CHFR: variants seen among roughly 807,000 people sequenced by gnomAD.
CHFR encodes the protein checkpoint with forkhead and ring finger domains.
In CHFR, 57 loss-of-function variants were observed where a neutral mutation model predicts 87.6. The ratio of observed to expected loss-of-function variants is 0.65; its 90% CI spans 0.53 to 0.81. CHFR has a LOEUF of 0.81. Ranked by LOEUF, CHFR falls within the 30% of genes least tolerant of loss-of-function variation. CHFR has a pLI of 0.00. For synonymous variants in CHFR, 381 were observed against 359.2 expected (o/e 1.06, Z -0.69); for missense variants, 797 against 865.8 (o/e 0.92, Z 1.00).
At position 132,869,814 on chromosome 12, in the gene CHFR, A is replaced by G; in HGVS notation, c.404-16T>C. On this transcript the variant is annotated splice_polypyrimidine_tract_variant and intron_variant, in intron 5 of 17. Coordinates refer to ENST00000450056, the MANE Select transcript of CHFR (RefSeq NM_001161346.2). ...CCTGAGGTATCTTTGGTCCCATGGA[A>G]CACATTTTCCTTGTTAGCTTCTGTA... 3.2e-6 allele frequency: 5 copies of G among 1,551,282 alleles called. No homozygotes were observed. The highest frequency in any genetic ancestry group is 2.4e-5 in the South Asian group (2 of 84,064).
At chr12:132,859,834 G>A (rs1951175674) in intron 7 of CHFR, among the ~76,000 whole-genome samples, 1 of 152,072 alleles carries the variant, frequency 6.6e-6, no homozygotes, top group African/African-American at 2.4e-5. Flanking sequence ...TTGAGCCCAG[G>A]AGTTCAAGAC....
At chr12:132,853,743 G>A in intron 10 of CHFR, 170 bp from the exon 11 acceptor site, 1 of 728,892 alleles carries the variant, frequency 1.4e-6, no homozygotes, top group South Asian at 2.2e-5. Context: ...GTTAGAGAGG[G>A]ACCAGAACGA....
At chr12:132,885,638 T>C (rs553369631) in intron 2 of CHFR, among the ~76,000 whole-genome samples, 4 of 152,276 alleles carry the variant, frequency 2.6e-5, no homozygotes, top group Non-Finnish European at 4.4e-5. Flanking sequence ...TGTCCTACCA[T>C]GTAATAACAT....
chr12:132,853,073 TCTTA>T (rs1292651701), intron 11 of CHFR, among the ~76,000 whole-genome samples: 4 of 152,160 alleles, frequency 2.6e-5, no homozygotes, highest in Non-Finnish European at 4.4e-5. Flanking sequence ...GAAGCCCGCC[TCTTA>T]CTTGAGGGAC....
At chr12:132,859,908 G>A (rs1223138417) in intron 7 of CHFR, among the ~76,000 whole-genome samples, 3 of 152,012 alleles carry the variant, frequency 2.0e-5, no homozygotes, top group Non-Finnish European at 2.9e-5. Context: ...AGCCAGCTAT[G>A]GTAGCGTGCA....
chr12:132,868,530 A>T (rs992709592), intron 6 of CHFR, among the ~76,000 whole-genome samples: 2 of 151,684 alleles, frequency 1.3e-5, no homozygotes, highest in East Asian at 3.9e-4. Context: ...ACAAAAAAAA[A>T]TTAGCTGGGC....
At chr12:132,867,958 TTAAA>T (rs796999989) in intron 6 of CHFR, 20 of 102,756 alleles carry the variant, frequency 1.9e-4, no homozygotes, top group African/African-American at 7.8e-4. Context: ...GCTAAGAAAA[TTAAA>T]AAAAAATAAT....
At chr12:132,886,686 C>T (rs1387372308) in intron 2 of CHFR, among the ~76,000 whole-genome samples, 1 of 152,150 alleles carries the variant, frequency 6.6e-6, no homozygotes, top group African/African-American at 2.4e-5. Context: ...GACTTGAGAT[C>T]TTTTTTAATA....
intron 6 of CHFR, among the ~76,000 whole-genome samples, chr12:132,868,712 T>C: frequency 6.6e-6 from 1 of 150,574 alleles, no homozygotes; most frequent in Non-Finnish European, 1.5e-5. Flanking sequence ...CATGATTCCA[T>C]GTCTGTGAAG....
At chr12:132,871,226 C>A (rs946430010) in intron 4 of CHFR, among the ~76,000 whole-genome samples, 3 of 150,300 alleles carry the variant, frequency 2.0e-5, no homozygotes, top group Non-Finnish European at 4.4e-5. Context: ...CCGAGGCGGG[C>A]GGATTACCTG....
intron 12 of CHFR, among the ~76,000 whole-genome samples, chr12:132,850,744 T>C (rs1179413583): frequency 6.6e-6 from 1 of 152,024 alleles, no homozygotes. Flanking sequence ...CAGGGCTCAG[T>C]GCACAGAGCA....
chr12:132,869,265 T>C lies in CHFR; in HGVS notation c.583+354A>G, dbSNP rs1951430578. Among the ~76,000 whole-genome samples, 3 of 151,022 alleles carry C rather than the reference T, an allele frequency of 2.0e-5. No individual in the cohort carries two copies. The South Asian group carries it at 6.3e-4, about 31-fold the overall frequency. On this transcript the variant is annotated intron_variant, in intron 6 of 17. Coordinates refer to ENST00000450056, the MANE Select transcript of CHFR (RefSeq NM_001161346.2). Reference sequence around the variant, plus strand: ...GCCGAGGGGAAGGGGACATGTGGAGTCACTGCTGGTGGGCACCGGTTTCCT... The same window carrying C: ...GCCGAGGGGAAGGGGACATGTGGAGCCACTGCTGGTGGGCACCGGTTTCCT...
At chr12:132,848,055 C>T (rs1218623283) in intron 14 of CHFR, 30 bp downstream of exon 14, 1 of 1,613,788 alleles carries the variant, frequency 6.2e-7, no homozygotes. Context: ...AATGTGGCTC[C>T]CGGCTCCCCA....
chr12:132,885,376 A>G (rs1951864014), intron 2 of CHFR, among the ~76,000 whole-genome samples: 1 of 151,550 alleles, frequency 6.6e-6, no homozygotes, highest in South Asian at 2.1e-4. Context: ...GCGCCACTGC[A>G]CTCCAGCCTG....
At chr12:132,879,302 G>C (rs1181577542) in intron 2 of CHFR, among the ~76,000 whole-genome samples, 1 of 151,528 alleles carries the variant, frequency 6.6e-6, no homozygotes, top group Non-Finnish European at 1.5e-5. Flanking sequence ...GCCTGCGATA[G>C]GCATTTGTAC....
At chr12:132,866,635 C>G (rs898389280) in intron 6 of CHFR, 1 of 145,556 alleles carries the variant, frequency 6.9e-6, no homozygotes, top group African/African-American at 2.5e-5. Flanking sequence ...CCGCGTAACA[C>G]CAAATGTTAC....
At position 132,836,920 on chromosome 12, in the gene CHFR, C is replaced by G; in HGVS notation, c.*4634G>C. ...TGGGCAGACAGGCAAGATCCCTGCTCTATTTTTTTGAGAGGGGGAGACAAA... is the reference window on the plus strand; with the variant it reads ...TGGGCAGACAGGCAAGATCCCTGCTGTATTTTTTTGAGAGGGGGAGACAAA... On this transcript the variant is annotated 3_prime_UTR_variant, in exon 18 of 18. Coordinates refer to ENST00000450056, the MANE Select transcript of CHFR (RefSeq NM_001161346.2). The G allele has an allele frequency of 2.7e-6, 1 of 371,200 alleles. No homozygotes were observed. The highest frequency in any genetic ancestry group is 5.3e-6 in the Non-Finnish European group (1 of 187,868). 23.0% of individuals were successfully genotyped at this position (371,200 alleles called of 1,614,324 possible). A position where few individuals can be genotyped will look rare whatever the true frequency, so the allele number is the denominator to read the frequency against.
intron 2 of CHFR, among the ~76,000 whole-genome samples, chr12:132,878,590 C>G (rs1002590466): frequency 4.7e-5 from 7 of 150,488 alleles, no homozygotes; most frequent in Non-Finnish European, 1.0e-4. Flanking sequence ...CACACCGAGG[C>G]GGGCAGATCA....
At chr12:132,873,671 A>AT (rs1229817680) in intron 3 of CHFR, among the ~76,000 whole-genome samples, 40 of 138,262 alleles carry the variant, frequency 2.9e-4, no homozygotes, top group Non-Finnish European at 5.3e-4. Flanking sequence ...ACTTGGGTGC[A>AT]TGCAGGGGCG....
Sources: allele counts gnomAD v4.1 joint callset (sites outside exome capture counted in the v4.1 genomes callset), GRCh38; gene constraint gnomAD v4.1.1; transcripts MANE v1.5; gene names NCBI Gene and HGNC (gene_info 2026-07-23, HGNC 2026-07-21).